Variants in KIF3B observed in about 807,000 individuals in gnomAD.
KIF3B encodes the protein kinesin-like protein KIF3B.
A neutral mutation model predicts 74.3 loss-of-function variants in KIF3B; 38 were observed. The ratio of observed to expected loss-of-function variants is 0.51; its 90% CI spans 0.39 to 0.67. The LOEUF is 0.67. Among genes scored for constraint, KIF3B ranks in the 30% least tolerant of loss-of-function variants. The pLI is 0.00. For missense variants in KIF3B, 649 were observed against 932.0 expected (o/e 0.70, Z 3.95); for synonymous variants, 326 against 342.5 (o/e 0.95, Z 0.53).
At chr20:32,312,359 C>T (rs1487938545) in intron 2 of KIF3B, among the ~76,000 whole-genome samples, 1 of 152,076 alleles carries the variant, frequency 6.6e-6, no homozygotes, top group African/African-American at 2.4e-5. Flanking sequence ...CCCACCTCCC[C>T]CTCCCAAAGT....
Position 32,325,165 on chromosome 20 carries a change from G to A in KIF3B, c.1749-1606G>A, listed in dbSNP as rs2047896410. Among the ~76,000 whole-genome samples, 3 of 152,036 alleles carry A rather than the reference G, an allele frequency of 2.0e-5. No individual in the cohort carries two copies. The South Asian group carries it at 6.2e-4, about 32-fold the overall frequency. On this transcript the variant is annotated intron_variant, in intron 5 of 8. Coordinates refer to ENST00000375712, the MANE Select transcript of KIF3B (RefSeq NM_004798.4). ...ATCTCTGGATAGTGAAATTGTGGGT[G>A]ATTATGTTTTTTACATTTTCTTTTT... is the stretch of plus-strand genomic sequence containing the variant.
intron 1 of KIF3B, among the ~76,000 whole-genome samples, chr20:32,293,741 AAAGATG>A (rs1176317469): frequency 4.6e-5 from 7 of 152,194 alleles, no homozygotes; most frequent in African/African-American, 9.6e-5. Flanking sequence ...TTTAAAAGCA[AAAGATG>A]AAGATGAAGG....
At chr20:32,317,564 A>C (rs2047834334) in intron 5 of KIF3B, among the ~76,000 whole-genome samples, 2 of 152,156 alleles carry the variant, frequency 1.3e-5, no homozygotes, top group African/African-American at 2.4e-5. Flanking sequence ...TCTTTCACAA[A>C]AATATTTTAA....
At chr20:32,308,521 G>T (rs926647880) in intron 1 of KIF3B, among the ~76,000 whole-genome samples, 6 of 151,984 alleles carry the variant, frequency 3.9e-5, no homozygotes, top group African/African-American at 1.5e-4. Context: ...AGTGATTCTC[G>T]TGCCACGGCC....
At chr20:32,300,614 A>C (rs1194612860) in intron 1 of KIF3B, among the ~76,000 whole-genome samples, 1 of 151,776 alleles carries the variant, frequency 6.6e-6, no homozygotes, top group Non-Finnish European at 1.5e-5. Context: ...TGGTCTCACT[A>C]TGTTCCCCAG....
At chr20:32,314,232 C>G (rs1381953436) in intron 2 of KIF3B, among the ~76,000 whole-genome samples, 1 of 152,160 alleles carries the variant, frequency 6.6e-6, no homozygotes, top group Non-Finnish European at 1.5e-5. Flanking sequence ...TCCCTGGATG[C>G]TGTGAAATCA....
intron 1 of KIF3B, among the ~76,000 whole-genome samples, chr20:32,279,755 T>C (rs1000133284): frequency 3.9e-5 from 6 of 152,234 alleles, no homozygotes; most frequent in African/African-American, 1.4e-4. Flanking sequence ...TGAGCCACTG[T>C]GCCCAGCCTG....
chr20:32,294,278 G>A (rs569201011), intron 1 of KIF3B, among the ~76,000 whole-genome samples: 41 of 152,306 alleles, frequency 2.7e-4, no homozygotes, highest in African/African-American at 9.9e-4. Flanking sequence ...ATGACAGAGA[G>A]TACATGGCGC....
chr20:32,306,581 CTTTTTTTTTTTTTTTT>C (rs935086574), intron 1 of KIF3B, among the ~76,000 whole-genome samples: 2 of 82,842 alleles, frequency 2.4e-5, no homozygotes, highest in East Asian at 9.5e-4. Flanking sequence ...AGTTTTTCCT[CTTTTTTTTTTTTTTTT>C]TTTTTTTTTT....
intron 2 of KIF3B, 64 bp downstream of exon 2, chr20:32,311,245 C>A: frequency 1.4e-6 from 2 of 1,459,894 alleles, no homozygotes; most frequent in Middle Eastern, 2.5e-4. Context: ...CATCAAACAA[C>A]AACAAAAAAC....
chr20:32,293,314 G>T (rs1405080208), intron 1 of KIF3B, among the ~76,000 whole-genome samples: 1 of 151,728 alleles, frequency 6.6e-6, no homozygotes, highest in African/African-American at 2.4e-5. Context: ...GGAAAAAGAA[G>T]CAGCTAAGCA....
At chr20:32,306,063 TC>T (rs2047768989) in intron 1 of KIF3B, among the ~76,000 whole-genome samples, 1 of 116,440 alleles carries the variant, frequency 8.6e-6, no homozygotes, top group African/African-American at 3.4e-5. Flanking sequence ...TCCAGCCTGG[TC>T]AATAAGAGCA....
chr20:32,312,413 T>C (rs1441642233), intron 2 of KIF3B, among the ~76,000 whole-genome samples: 2 of 152,100 alleles, frequency 1.3e-5, no homozygotes, highest in Admixed American at 6.6e-5. Flanking sequence ...CTGATACCTA[T>C]ATCTTTAGTA....
rs1389114588 is a variant in KIF3B, at chr20:32,311,564, A to G, written c.1404+383A>G. Among the ~76,000 whole-genome samples, 2 of 654 alleles carry G rather than the reference A, an allele frequency of 3.1e-3. 1 individual carries two copies. The highest frequency in any genetic ancestry group is 6.8e-3 in the Non-Finnish European group (2 of 292). 0.4% of individuals were successfully genotyped at this position (654 alleles called of 152,430 possible). A position where few individuals can be genotyped will look rare whatever the true frequency, so the allele number is the denominator to read the frequency against. On this transcript the variant is annotated intron_variant, in intron 2 of 8. Coordinates refer to ENST00000375712, the MANE Select transcript of KIF3B (RefSeq NM_004798.4). ...AAAATACAAAAAATTAGCCGGGCGT[A>G]GTGGCGGGCGCCTGTAGTCCCAGCT...
chr20:32,291,612 T>C (rs2047691601), intron 1 of KIF3B, among the ~76,000 whole-genome samples: 1 of 132,844 alleles, frequency 7.5e-6, no homozygotes, highest in East Asian at 2.8e-4. Context: ...TTGATTGTCT[T>C]ATACATTTTT....
chr20:32,308,588 T>G (rs945254034), intron 1 of KIF3B, among the ~76,000 whole-genome samples: 1 of 152,054 alleles, frequency 6.6e-6, no homozygotes, highest in African/African-American at 2.4e-5. Context: ...TTTTTGTATT[T>G]TTTGTAGAGA....
In KIF3B at chr20:32,323,064, ATATATTTATATATTTATATATATT is replaced by A. The variant is rs1600437602; in HGVS notation, c.1749-3677_1749-3654del. ...TATATTTATATATATTTATATTTAT[ATATATTTATATATTTATATATATT>A]TATATTTATATATTTATATATATTT... On this transcript the variant is annotated intron_variant, in intron 5 of 8. Transcript: ENST00000375712. Among the ~76,000 whole-genome samples, 4 of 60,300 alleles carry A rather than the reference ATATATTTATATATTTATATATATT, an allele frequency of 6.6e-5. 1 individual carries two copies. The Admixed American group carries it at 8.9e-4, about 13-fold the overall frequency. The allele number at this position is 60,300 out of a possible 152,430, so 39.6% of individuals were successfully genotyped here.
Position 32,331,533 on chromosome 20 carries a change from T to A in KIF3B, c.*214T>A, listed in dbSNP as rs2047930278. 6 of 550,088 alleles carry A rather than the reference T, an allele frequency of 1.1e-5. No individual in the cohort carries two copies. The highest frequency in any genetic ancestry group is 1.9e-5 in the Non-Finnish European group (6 of 315,994). The allele number at this position is 550,088 out of a possible 1,614,324, so 34.1% of individuals were successfully genotyped here. A position where few individuals can be genotyped will look rare whatever the true frequency, so the allele number is the denominator to read the frequency against. ...TGGGAAACATCTTTTAATTAGCATCTCAGAAATGCATGGGTAAGGTAAAGT... is the reference window on the plus strand; with the variant it reads ...TGGGAAACATCTTTTAATTAGCATCACAGAAATGCATGGGTAAGGTAAAGT... On this transcript the variant is annotated 3_prime_UTR_variant, in exon 9 of 9. Coordinates refer to ENST00000375712, the MANE Select transcript of KIF3B (RefSeq NM_004798.4).
intron 7 of KIF3B, 23 bp from the exon 8 acceptor site, chr20:32,330,117 CT>C: frequency 6.2e-7 from 1 of 1,600,354 alleles, no homozygotes; most frequent in Non-Finnish European, 8.5e-7. Context: ...GCTAACCTAG[CT>C]GGTGATGGCT....
Sources: gnomAD v4.1 joint callset for allele counts (sites outside exome capture counted in the v4.1 genomes callset) on GRCh38, gnomAD v4.1.1 for gene constraint, MANE v1.5 for transcripts, NCBI Gene and HGNC (gene_info 2026-07-23, HGNC 2026-07-21) for gene names.